Variants in LINGO2 observed in about 807,000 individuals in gnomAD.
The protein encoded by LINGO2 is leucine-rich repeat and immunoglobulin-like domain-containing nogo receptor-interacting protein 2.
LINGO2 carries 14 observed loss-of-function variants against 30.6 expected under a neutral mutation model. That is an observed-to-expected ratio of 0.46 (90% confidence interval 0.30 to 0.72). The LOEUF is 0.72. Ranked by LOEUF, LINGO2 falls within the 30% of genes least tolerant of loss-of-function variation. The pLI is 0.07. For missense variants in LINGO2, 729 were observed against 751.7 expected (o/e 0.97, Z 0.35); for synonymous variants, 317 against 288.5 (o/e 1.10, Z -1.00).
At chr9:27,997,953 T>G in intron 5 of LINGO2, among the ~76,000 whole-genome samples, 1 of 143,022 alleles carries the variant, frequency 7.0e-6, no homozygotes, top group African/African-American at 2.6e-5. Flanking sequence ...GAGCCTTTTT[T>G]TGGGGTGGGA....
At chr9:28,757,345 G>C in the LINGO2 span, among the ~76,000 whole-genome samples, 1 of 151,578 alleles carries the variant, frequency 6.6e-6, no homozygotes, top group Non-Finnish European at 1.5e-5. Flanking sequence ...CCATCTTTTT[G>C]AACCCCTACA....
intron 3 of LINGO2, among the ~76,000 whole-genome samples, chr9:28,352,006 T>C (rs983658877): frequency 2.0e-5 from 3 of 151,418 alleles, no homozygotes; most frequent in Admixed American, 1.3e-4. Context: ...TATTTCAAAA[T>C]AATAAGAGCT....
the LINGO2 span, among the ~76,000 whole-genome samples, chr9:28,813,569 G>T: frequency 2.0e-5 from 3 of 152,046 alleles, no homozygotes; most frequent in African/African-American, 7.2e-5. Context: ...CATATTTAAT[G>T]AACACGAACA....
intron 4 of LINGO2, among the ~76,000 whole-genome samples, chr9:28,281,914 G>A (rs1168110161): frequency 6.6e-6 from 1 of 152,070 alleles, no homozygotes; most frequent in Admixed American, 6.6e-5. Context: ...ACCTGTACCT[G>A]TTTCCAAACA....
chr9:28,421,604 T>C (rs891709314), intron 2 of LINGO2, among the ~76,000 whole-genome samples: 9 of 152,024 alleles, frequency 5.9e-5, no homozygotes, highest in Non-Finnish European at 5.9e-5. Flanking sequence ...AACTCACTCA[T>C]ACTCCAGTCC....
In LINGO2 at chr9:28,419,144, T is replaced by C. The variant is rs575901749; in HGVS notation, c.-278-46276A>G. 2.6e-5 allele frequency among the ~76,000 whole-genome samples: 4 copies of C among 152,228 alleles called. No homozygotes were observed. In the East Asian group the frequency reaches 7.7e-4, roughly 29 times the overall value. On this transcript the variant is annotated intron_variant, in intron 2 of 5. Transcript: ENST00000379992. The stretch of plus-strand genomic sequence containing the variant: ...GTAGTCTTTTATGTTACTTTTATAG[T>C]TCGTGTTGTTTTACTGTCAGATTTA...
the LINGO2 span, among the ~76,000 whole-genome samples, chr9:29,058,904 T>C: frequency 6.6e-6 from 1 of 151,904 alleles, no homozygotes; most frequent in Non-Finnish European, 1.5e-5. Flanking sequence ...AATCATACAA[T>C]CGTGATGAAT....
chr9:28,278,222 G>C (rs1488633119), intron 4 of LINGO2, among the ~76,000 whole-genome samples: 2 of 152,220 alleles, frequency 1.3e-5, no homozygotes, highest in African/African-American at 4.8e-5. Context: ...AACAAAAGCT[G>C]TCTCTATAAC....
chr9:28,946,641 A>C, the LINGO2 span, among the ~76,000 whole-genome samples: 4 of 152,088 alleles, frequency 2.6e-5, no homozygotes, highest in Non-Finnish European at 4.4e-5. Flanking sequence ...AAACCTGGAG[A>C]TAATTGAAGA....
the LINGO2 span, among the ~76,000 whole-genome samples, chr9:29,173,217 A>C: frequency 6.6e-6 from 1 of 152,068 alleles, no homozygotes; most frequent in Non-Finnish European, 1.5e-5. Flanking sequence ...CCTGACTACT[A>C]TCCCAAGAGT....
At chr9:28,483,163 T>C (rs1045625642) in intron 1 of LINGO2, among the ~76,000 whole-genome samples, 2 of 152,114 alleles carry the variant, frequency 1.3e-5, no homozygotes, top group African/African-American at 4.8e-5. Flanking sequence ...CAACTTTTGT[T>C]AGCATTCAGA....
intron 3 of LINGO2, among the ~76,000 whole-genome samples, chr9:28,319,908 T>G (rs1824978082): frequency 2.0e-5 from 3 of 152,136 alleles, no homozygotes; most frequent in African/African-American, 7.2e-5. Context: ...GAAAAAGGTA[T>G]TAATGCTTCA....
intron 1 of LINGO2, among the ~76,000 whole-genome samples, chr9:28,574,393 C>T (rs1823852671): frequency 6.6e-6 from 1 of 152,154 alleles, no homozygotes; most frequent in Non-Finnish European, 1.5e-5. Flanking sequence ...CATTTGTTTC[C>T]ATACAGTCAC....
the LINGO2 span, among the ~76,000 whole-genome samples, chr9:29,098,431 T>C: frequency 6.6e-6 from 1 of 151,654 alleles, no homozygotes; most frequent in Non-Finnish European, 1.5e-5. Context: ...CTCAGCTAAG[T>C]CCTAAAGGAT....
the LINGO2 span, among the ~76,000 whole-genome samples, chr9:28,760,894 G>GTATAT: frequency 1.3e-5 from 2 of 148,694 alleles, no homozygotes; most frequent in East Asian, 4.0e-4. Context: ...ATATATATGT[G>GTATAT]TATATATATG....
chr9:29,028,848 C>T, the LINGO2 span, among the ~76,000 whole-genome samples: 6 of 152,286 alleles, frequency 3.9e-5, no homozygotes, highest in Middle Eastern at 3.4e-3. Flanking sequence ...ATAAGTGAGC[C>T]AGCTCAGATT....
chr9:28,947,782 A>G, the LINGO2 span, among the ~76,000 whole-genome samples: 1 of 151,662 alleles, frequency 6.6e-6, no homozygotes, highest in African/African-American at 2.4e-5. Flanking sequence ...ATAGTATGAA[A>G]TTGGACCAAC....
At chr9:29,003,132 C>A in the LINGO2 span, among the ~76,000 whole-genome samples, 4 of 151,962 alleles carry the variant, frequency 2.6e-5, no homozygotes, top group Non-Finnish European at 5.9e-5. Flanking sequence ...GGAACAGATT[C>A]TCCCCTAGAG....
At chr9:28,744,633 TGTGTGTA>T in the LINGO2 span, among the ~76,000 whole-genome samples, 208 of 145,506 alleles carry the variant, frequency 1.4e-3, 5 homozygotes, top group East Asian at 0.032. Flanking sequence ...TGTGTGTGTG[TGTGTGTA>T]TTTTTTTTTT....
Sources: gnomAD v4.1 joint callset for allele counts (sites outside exome capture counted in the v4.1 genomes callset) on GRCh38, gnomAD v4.1.1 for gene constraint, MANE v1.5 for transcripts, NCBI Gene and HGNC (gene_info 2026-07-23, HGNC 2026-07-21) for gene names.